Variants in NAALADL2 observed in about 807,000 individuals in gnomAD.
NAALADL2 encodes inactive N-acetylated-alpha-linked acidic dipeptidase-like protein 2.
A neutral mutation model predicts 87.2 loss-of-function variants in NAALADL2; 76 were observed. That is an observed-to-expected ratio of 0.87 (90% CI 0.72 to 1.05). The LOEUF (loss-of-function observed/expected upper bound fraction) is 1.05. Among genes scored for constraint, NAALADL2 ranks in the 50% least tolerant of loss-of-function variants. NAALADL2 has a pLI of 0.00. For missense variants in NAALADL2, 1,089 were observed against 945.8 expected, an observed-to-expected ratio of 1.15 and a Z score of -1.99; for synonymous variants, 354 against 331.0, an observed-to-expected ratio of 1.07 and a Z score of -0.75.
chr3:175,716,894 TG>T (rs1741378034), intron 11 of NAALADL2, among the ~76,000 whole-genome samples: 1 of 152,136 alleles, frequency 6.6e-6, no homozygotes, highest in Non-Finnish European at 1.5e-5. Context: ...TATAGAATAA[TG>T]GATACATTTA....
At chr3:175,173,313 TAAA>T (rs1560118598) in intron 2 of NAALADL2, among the ~76,000 whole-genome samples, 7 of 51,362 alleles carry the variant, frequency 1.4e-4, no homozygotes, top group African/African-American at 4.4e-4. Flanking sequence ...ATAAATAAAA[TAAA>T]TAAATAAATA....
intron 2 of NAALADL2, among the ~76,000 whole-genome samples, chr3:174,576,155 G>T (rs1715508406): frequency 6.6e-6 from 1 of 152,134 alleles, no homozygotes; most frequent in African/African-American, 2.4e-5. Context: ...GAGCCACCGT[G>T]CCCAGCCTGG....
intron 2 of NAALADL2, among the ~76,000 whole-genome samples, chr3:175,199,087 A>AACGGG (rs1361637788): frequency 6.6e-6 from 1 of 152,128 alleles, no homozygotes; most frequent in Non-Finnish European, 1.5e-5. Flanking sequence ...TTGCCTTTGA[A>AACGGG]ACGGGATTGT....
intron 1 of NAALADL2, among the ~76,000 whole-genome samples, chr3:174,904,603 TTGTAAATACTTAAG>T (rs1732752863): frequency 6.6e-6 from 1 of 151,826 alleles, no homozygotes; most frequent in Non-Finnish European, 1.5e-5. Context: ...AAGTAATAGA[TTGTAAATACTTAAG>T]TGGGAGAAAA....
At chr3:175,630,403 G>A (rs1225639780) in intron 11 of NAALADL2, among the ~76,000 whole-genome samples, 1 of 151,488 alleles carries the variant, frequency 6.6e-6, no homozygotes, top group African/African-American at 2.4e-5. Context: ...ATTCTGTGAG[G>A]TTGAAATAGA....
chr3:175,320,900 C>G (rs975461850), intron 4 of NAALADL2, among the ~76,000 whole-genome samples: 3 of 148,982 alleles, frequency 2.0e-5, no homozygotes, highest in Non-Finnish European at 4.5e-5. Flanking sequence ...CGAATTCTAC[C>G]AGAGGTACAA....
At chr3:175,637,300 C>T (rs1728684694) in intron 11 of NAALADL2, among the ~76,000 whole-genome samples, 1 of 152,320 alleles carries the variant, frequency 6.6e-6, no homozygotes, top group East Asian at 1.9e-4. Context: ...ATTTTTATTT[C>T]AGCCATAGTT....
chr3:175,120,579 T>G (rs1726002724), intron 2 of NAALADL2, among the ~76,000 whole-genome samples: 1 of 151,764 alleles, frequency 6.6e-6, no homozygotes, highest in African/African-American at 2.4e-5. Flanking sequence ...GAAATTGCAT[T>G]GGTCCAAGTA....
At chr3:175,499,793 C>A (rs909669095) in intron 9 of NAALADL2, among the ~76,000 whole-genome samples, 1 of 152,018 alleles carries the variant, frequency 6.6e-6, no homozygotes, top group Non-Finnish European at 1.5e-5. Context: ...GTCATTTCCT[C>A]AAAATAATAC....
intron 10 of NAALADL2, among the ~76,000 whole-genome samples, chr3:175,589,117 C>T (rs144813877): frequency 0.016 from 2,434 of 152,204 alleles, 31 homozygotes; most frequent in Non-Finnish European, 0.024. Context: ...TAAATTAAAA[C>T]AGTAGAAAGA....
intron 11 of NAALADL2, among the ~76,000 whole-genome samples, chr3:175,652,939 C>T (rs1360490979): frequency 6.6e-6 from 1 of 152,124 alleles, no homozygotes; most frequent in Non-Finnish European, 1.5e-5. Flanking sequence ...CTGCTGTTAA[C>T]TGGAAGCCTT....
chr3:174,673,134 G>A (rs1272778393), intron 2 of NAALADL2, among the ~76,000 whole-genome samples: 2 of 151,982 alleles, frequency 1.3e-5, no homozygotes, highest in Non-Finnish European at 2.9e-5. Flanking sequence ...TAGGCCAATG[G>A]AATACTTTCA....
chr3:174,654,096 GTGTGTT>G (rs1560120091), intron 2 of NAALADL2, among the ~76,000 whole-genome samples: 11 of 143,982 alleles, frequency 7.6e-5, no homozygotes, highest in Non-Finnish European at 3.1e-5. Context: ...GTGTGTGTGT[GTGTGTT>G]AGAAATGTGG....
chr3:175,780,442 T>C (rs1750894679), intron 13 of NAALADL2, among the ~76,000 whole-genome samples: 1 of 152,112 alleles, frequency 6.6e-6, no homozygotes, highest in Non-Finnish European at 1.5e-5. Flanking sequence ...AATATATACA[T>C]ATATACACAC....
intron 10 of NAALADL2, among the ~76,000 whole-genome samples, chr3:175,614,568 T>C (rs1367215539): frequency 6.6e-6 from 1 of 152,206 alleles, no homozygotes; most frequent in Non-Finnish European, 1.5e-5. Context: ...AAAATCTGTA[T>C]TATCTTGACA....
intron 1 of NAALADL2, among the ~76,000 whole-genome samples, chr3:174,988,940 T>C (rs1746345310): frequency 6.6e-6 from 1 of 152,144 alleles, no homozygotes; most frequent in African/African-American, 2.4e-5. Flanking sequence ...TTCTGCAGAC[T>C]GTGCAAAAAG....
chr3:174,480,000 G>C (rs953125385), intron 1 of NAALADL2, among the ~76,000 whole-genome samples: 1 of 152,036 alleles, frequency 6.6e-6, no homozygotes, highest in Non-Finnish European at 1.5e-5. Context: ...GTTTTGAAAA[G>C]AAATTCACTC....
At chr3:175,400,114 G>A (rs563274671) in intron 5 of NAALADL2, among the ~76,000 whole-genome samples, 2 of 152,184 alleles carry the variant, frequency 1.3e-5, no homozygotes, top group South Asian at 4.2e-4. Context: ...ACTGAACTGA[G>A]CAGTCAATAA....
Position 175,809,974 on chromosome 3 carries a change from T to C in NAALADL2, c.*6771T>C, listed in dbSNP as rs1755043828. ...TTTGCTTTGATTAAAAACACATATC[T>C]CTCAAGAGGTGTCCCAATTACTAAA... On this transcript the variant is annotated 3_prime_UTR_variant, in exon 14 of 14. Transcript: ENST00000454872. 1 of 152,010 alleles carries C rather than the reference T, an allele frequency of 6.6e-6. No individual in the cohort carries two copies. The highest frequency in any genetic ancestry group is 2.4e-5 in the African/African-American group (1 of 41,424). The allele number at this position is 152,010 out of a possible 1,614,324, so 9.4% of individuals were successfully genotyped here.
Sources: allele counts gnomAD v4.1 joint callset (sites outside exome capture counted in the v4.1 genomes callset), GRCh38; gene constraint gnomAD v4.1.1; transcripts MANE v1.5; gene names NCBI Gene and HGNC (gene_info 2026-07-23, HGNC 2026-07-21).